The following LAMA2 variants were observed in gnomAD, a reference collection of about 807,000 sequenced individuals.
LAMA2 encodes the protein laminin subunit alpha 2.
A neutral mutation model predicts 364.8 loss-of-function variants in LAMA2; 269 were observed. The observed-to-expected ratio is 0.74, with a 90% confidence interval of 0.67 to 0.82. LAMA2 has a LOEUF of 0.82. LAMA2 is among the 40% of genes least tolerant of loss of function. The probability of loss-of-function intolerance (pLI) is 0.00; values close to 1 mark genes in which losing one functional copy is unlikely to be tolerated. For missense variants in LAMA2, 3,807 were observed against 3,873.2 expected (o/e 0.98, Z 0.45); for synonymous variants, 1,379 against 1,370.6 (o/e 1.01, Z -0.14).
intron 1 of LAMA2, among the ~76,000 whole-genome samples, chr6:128,937,359 G>C (rs1414098744): frequency 6.6e-6 from 1 of 152,050 alleles, no homozygotes; most frequent in Non-Finnish European, 1.5e-5. Flanking sequence ...GGTTAGCATT[G>C]TATAATAGTT....
intron 1 of LAMA2, among the ~76,000 whole-genome samples, chr6:128,885,690 G>A (rs1279768537): frequency 1.3e-5 from 2 of 152,222 alleles, no homozygotes; most frequent in African/African-American, 2.4e-5. Context: ...CTTATAATTC[G>A]ATACCACTTT....
At chr6:129,357,982 C>T (rs778471241) in intron 32 of LAMA2, among the ~76,000 whole-genome samples, 3 of 151,902 alleles carry the variant, frequency 2.0e-5, no homozygotes, top group Non-Finnish European at 4.4e-5. Context: ...TGTTGTACCC[C>T]CTAAATGTCA....
chr6:129,430,157 G>A (rs1265001090), intron 41 of LAMA2, among the ~76,000 whole-genome samples: 1 of 152,100 alleles, frequency 6.6e-6, no homozygotes, highest in African/African-American at 2.4e-5. Flanking sequence ...TGTTAATCAG[G>A]GAAATGCCAT....
chr6:129,066,039 T>TATGTCTTTTTTC lies in LAMA2; in HGVS notation c.396+6143_396+6144insATGTCTTTTTTC, dbSNP rs1554210041. ...CTTTTGTAAATTGCCCAGTCTCAGG[T>TATGTCTTTTTTC]TTTTTTTTTTTTTTTTTTTTTTTTG... On this transcript the variant is annotated intron_variant, in intron 3 of 64. Transcript: ENST00000421865. Among the ~76,000 whole-genome samples the TATGTCTTTTTTC allele has an allele frequency of 8.0e-5, 6 of 74,626 alleles. 1 individual carries two copies. The East Asian group carries it at 1.1e-3, about 13-fold the overall frequency. 49.0% of individuals were successfully genotyped at this position (74,626 alleles called of 152,430 possible). A position where few individuals can be genotyped will look rare whatever the true frequency, so the allele number is the denominator to read the frequency against.
At chr6:129,477,643 G>T (rs1033729434) in intron 53 of LAMA2, among the ~76,000 whole-genome samples, 1 of 152,068 alleles carries the variant, frequency 6.6e-6, no homozygotes, top group African/African-American at 2.4e-5. Flanking sequence ...AGTGTAGTTT[G>T]AGTATAAAAG....
At chr6:129,500,369 A>G (rs776450820) in intron 58 of LAMA2, among the ~76,000 whole-genome samples, 1 of 152,228 alleles carries the variant, frequency 6.6e-6, no homozygotes, top group African/African-American at 2.4e-5. Flanking sequence ...ACAAAGGACT[A>G]TACACCATAA....
At chr6:128,897,833 A>G (rs923712518) in intron 1 of LAMA2, among the ~76,000 whole-genome samples, 2 of 152,152 alleles carry the variant, frequency 1.3e-5, no homozygotes, top group African/African-American at 2.4e-5. Flanking sequence ...CGGCCAGTTT[A>G]CTAGTTAACA....
intron 1 of LAMA2, among the ~76,000 whole-genome samples, chr6:128,995,269 CTGAGGTTTGGAGTACAAA>C (rs1783856485): frequency 6.6e-6 from 1 of 152,182 alleles, no homozygotes; most frequent in African/African-American, 2.4e-5. Context: ...TTGTGTGATG[CTGAGGTTTGGAGTACAAA>C]TGAATCTGTC....
chr6:129,468,527 G>A (rs914548104), intron 51 of LAMA2, among the ~76,000 whole-genome samples: 5 of 151,738 alleles, frequency 3.3e-5, no homozygotes, highest in Admixed American at 6.6e-5. Context: ...AGCTGCAATG[G>A]AAAAAGCAAA....
chr6:129,450,994 C>CT (rs752725475), intron 45 of LAMA2, among the ~76,000 whole-genome samples: 2 of 152,272 alleles, frequency 1.3e-5, no homozygotes, highest in East Asian at 1.9e-4. Flanking sequence ...ACACCCTTTC[C>CT]TGAACATTAA....
At chr6:128,979,721 T>C (rs1396472178) in intron 1 of LAMA2, among the ~76,000 whole-genome samples, 1 of 152,068 alleles carries the variant, frequency 6.6e-6, no homozygotes, top group Non-Finnish European at 1.5e-5. Flanking sequence ...AAGTATTGAG[T>C]TTTGTGCTCA....
chr6:129,443,465 G>A (rs1782217105), intron 44 of LAMA2, among the ~76,000 whole-genome samples: 1 of 152,100 alleles, frequency 6.6e-6, no homozygotes, highest in Non-Finnish European at 1.5e-5. Context: ...CCACATAAAA[G>A]TGGAAAACTG....
chr6:129,358,702 A>G (rs1346323271), intron 32 of LAMA2, among the ~76,000 whole-genome samples: 1 of 152,046 alleles, frequency 6.6e-6, no homozygotes, highest in Non-Finnish European at 1.5e-5. Flanking sequence ...AAAATGCTAC[A>G]TACATGTATG....
chr6:129,041,683 G>A (rs1429194064), intron 1 of LAMA2, among the ~76,000 whole-genome samples: 1 of 152,122 alleles, frequency 6.6e-6, no homozygotes, highest in Non-Finnish European at 1.5e-5. Flanking sequence ...GAATCATACA[G>A]TGAACACTAT....
At chr6:129,457,090 G>A (rs956706633) in intron 48 of LAMA2, among the ~76,000 whole-genome samples, 2 of 152,056 alleles carry the variant, frequency 1.3e-5, no homozygotes, top group Non-Finnish European at 2.9e-5. Flanking sequence ...AACCACTATG[G>A]GTGAGATGCA....
chr6:129,440,221 C>T (rs2114764205), intron 42 of LAMA2, among the ~76,000 whole-genome samples: 1 of 151,966 alleles, frequency 6.6e-6, no homozygotes, highest in African/African-American at 2.4e-5. Flanking sequence ...GAGACAAATG[C>T]ACATATTTAT....
chr6:129,197,243 T>A (rs1271892935), intron 12 of LAMA2, among the ~76,000 whole-genome samples: 1 of 152,214 alleles, frequency 6.6e-6, no homozygotes, highest in African/African-American at 2.4e-5. Flanking sequence ...GAGAATCTCC[T>A]TCCCTTACTA....
chr6:129,084,381 A>G (rs1177213506), intron 3 of LAMA2, among the ~76,000 whole-genome samples: 2 of 152,000 alleles, frequency 1.3e-5, no homozygotes, highest in African/African-American at 4.8e-5. Context: ...ATTGATCTGA[A>G]GTTAGTCTGG....
At chr6:129,467,733 C>A (rs1023092292) in intron 51 of LAMA2, among the ~76,000 whole-genome samples, 5 of 151,750 alleles carry the variant, frequency 3.3e-5, no homozygotes, top group African/African-American at 1.2e-4. Flanking sequence ...TCCATTAAAA[C>A]AAATAAACAA....
Sources: gnomAD v4.1 joint callset for allele counts (sites outside exome capture counted in the v4.1 genomes callset) on GRCh38, gnomAD v4.1.1 for gene constraint, MANE v1.5 for transcripts, NCBI Gene and HGNC (gene_info 2026-07-23, HGNC 2026-07-21) for gene names.